Variants in ZNF112 observed in about 807,000 individuals in gnomAD.
ZNF112 encodes the protein zinc finger protein 112 (Y14).
A neutral mutation model predicts 77.7 loss-of-function variants in ZNF112; 37 were observed. That is an observed-to-expected ratio of 0.48 (90% CI 0.37 to 0.63). The LOEUF is 0.63. ZNF112 is among the 20% of genes least tolerant of loss of function. The probability of loss-of-function intolerance (pLI) is 0.00; values close to 1 mark genes in which losing one functional copy is unlikely to be tolerated. For missense variants in ZNF112, 950 were observed against 1,077.4 expected, an observed-to-expected ratio of 0.88 and a Z score of 1.66; for synonymous variants, 333 against 363.6, an observed-to-expected ratio of 0.92 and a Z score of 0.96.
intron 1 of ZNF112, among the ~76,000 whole-genome samples, chr19:44,364,336 T>G (rs915821623): frequency 3.3e-5 from 5 of 152,236 alleles, no homozygotes; most frequent in African/African-American, 9.6e-5. Flanking sequence ...TAACAATTTG[T>G]ATGTCTTCCT....
At chr19:44,355,146 A>G (rs1970763816) in intron 1 of ZNF112, among the ~76,000 whole-genome samples, 1 of 152,202 alleles carries the variant, frequency 6.6e-6, no homozygotes, top group African/African-American at 2.4e-5. Context: ...CTTCCACAGA[A>G]TTATTTTAGT....
At chr19:44,349,209 T>C (rs1970649960) in intron 1 of ZNF112, among the ~76,000 whole-genome samples, 1 of 152,224 alleles carries the variant, frequency 6.6e-6, no homozygotes, top group Admixed American at 6.5e-5. Flanking sequence ...CTTCATATTG[T>C]TGCTAAGCAC....
intron 1 of ZNF112, among the ~76,000 whole-genome samples, chr19:44,344,639 A>G (rs374523724): frequency 6.6e-6 from 1 of 152,186 alleles, no homozygotes; most frequent in East Asian, 1.9e-4. Context: ...CAGTGCCCAG[A>G]TAGATGCCAG....
intron 1 of ZNF112, chr19:44,343,334 A>C: frequency 6.5e-7 from 1 of 1,531,310 alleles, no homozygotes; most frequent in Non-Finnish European, 8.9e-7. Context: ...ATACGAAAGA[A>C]GCCATGATTA....
At chr19:44,348,207 C>T (rs1214641896) in intron 1 of ZNF112, among the ~76,000 whole-genome samples, 1 of 152,050 alleles carries the variant, frequency 6.6e-6, no homozygotes, top group African/African-American at 2.4e-5. Context: ...TGGTATTCAA[C>T]GAGTTTCTGG....
rs752629224 is a variant in ZNF112 at position 44,343,217 on chromosome 19, G to T, written c.-3-2675C>A. ...ATATGTCCACTCACTGCAAAATGAG[G>T]TCACATGTAAAACGGCATAAATGAA... On this transcript the variant is annotated intron_variant, in intron 1 of 3. Coordinates refer to ENST00000354340, the MANE Select transcript of ZNF112 (RefSeq NM_013380.4). 18 of 1,610,224 alleles carry T rather than the reference G, an allele frequency of 1.1e-5. No individual in the cohort carries two copies. The Admixed American group carries it at 2.5e-4, about 23-fold the overall frequency.
At chr19:44,332,709 T>C (rs1970292833) in intron 3 of ZNF112, among the ~76,000 whole-genome samples, 2 of 152,344 alleles carry the variant, frequency 1.3e-5, no homozygotes, top group Admixed American at 1.3e-4. Context: ...AAGCAACTGT[T>C]TCAATGCAAA....
upstream of ZNF112, among the ~76,000 whole-genome samples, chr19:44,359,354 C>T (rs1165208683): frequency 5.7e-5 from 6 of 104,760 alleles, no homozygotes; most frequent in Non-Finnish European, 1.0e-4. Context: ...TTGAGAGTCT[C>T]GCTCTGTTCC....
chr19:44,340,019 T>G (rs1211126255), intron 2 of ZNF112, among the ~76,000 whole-genome samples: 2 of 152,124 alleles, frequency 1.3e-5, no homozygotes, highest in Non-Finnish European at 2.9e-5. Context: ...TGAATCCAGG[T>G]AGAATCTTGG....
chr19:44,356,176 A>G (rs1970783091), intron 1 of ZNF112, among the ~76,000 whole-genome samples: 1 of 152,182 alleles, frequency 6.6e-6, no homozygotes, highest in Non-Finnish European at 1.5e-5. Flanking sequence ...AGAAAATTAA[A>G]AAGTGCTAAT....
chr19:44,356,919 C>A (rs1970797566), upstream of ZNF112, among the ~76,000 whole-genome samples: 1 of 152,212 alleles, frequency 6.6e-6, no homozygotes, highest in Non-Finnish European at 1.5e-5. Flanking sequence ...TTAACTCCCC[C>A]TTCCTGGAAC....
Position 44,336,711 on chromosome 19 carries a change from C to T in ZNF112, c.132G>A (p.Gln44=), listed in dbSNP as rs1220374162. Residue 44 remains glutamine, a synonymous_variant, in exon 3 of 4, where the codon CAG becomes CAA. Transcript: ENST00000354340. The part of the protein sequence containing the change: ...NFRNLLLVAH[Q]PFKPDLISQL... ...GGGATATTAGGTCTGGCTTGAAGGG[C>T]TGATGTGCTGTAAAGAAGGAAAGGA... is the stretch of plus-strand genomic sequence containing the variant. 4 of 1,613,852 alleles carry T rather than the reference C, an allele frequency of 2.5e-6. No homozygotes were observed. Among genetic ancestry groups the T allele is most frequent in the Middle Eastern group, 1.7e-4 (1 of 6,060 alleles).
chr19:44,337,840 TACACACACACAC>T (rs71171235), intron 2 of ZNF112, among the ~76,000 whole-genome samples: 5 of 47,424 alleles, frequency 1.1e-4, no homozygotes, highest in Non-Finnish European at 3.0e-4. Flanking sequence ...TACATACACA[TACACACACACAC>T]ACACACACAC....
In ZNF112 at chr19:44,337,424, A is replaced by T. The variant is rs1233268707; in HGVS notation, c.125-706T>A. Among the ~76,000 whole-genome samples the T allele has an allele frequency of 2.6e-5, 2 of 77,740 alleles. 1 individual carries two copies. Among genetic ancestry groups the T allele is most frequent in the Non-Finnish European group, 4.4e-5 (2 of 45,414 alleles). 51.0% of individuals were successfully genotyped at this position (77,740 alleles called of 152,430 possible). A position where few individuals can be genotyped will look rare whatever the true frequency, so the allele number is the denominator to read the frequency against. ...ATATATTTTATATATAATAATATAT[A>T]TTATATATATATGTCTGTACCCACA... On this transcript the variant is annotated intron_variant, in intron 2 of 3. Transcript: ENST00000354340.
intron 1 of ZNF112, among the ~76,000 whole-genome samples, chr19:44,362,029 TA>T (rs1160443504): frequency 1.3e-5 from 2 of 152,152 alleles, no homozygotes; most frequent in African/African-American, 4.8e-5. Context: ...TTTCAGAACT[TA>T]GAGGGAAGGG....
At chr19:44,355,861 T>C (rs1225543415) in intron 1 of ZNF112, among the ~76,000 whole-genome samples, 1 of 152,234 alleles carries the variant, frequency 6.6e-6, no homozygotes, top group Non-Finnish European at 1.5e-5. Context: ...GATGGAAATA[T>C]CGTCTTCCCT....
intron 3 of ZNF112, 91 bp from the exon 4 acceptor site, chr19:44,330,027 T>G: frequency 1.0e-6 from 1 of 984,368 alleles, no homozygotes; most frequent in Non-Finnish European, 1.5e-6. Context: ...ACATGAAACT[T>G]GAATGAACCA....
chr19:44,336,455 G>A (rs868099125), intron 3 of ZNF112, among the ~76,000 whole-genome samples, 168 bp downstream of exon 3: 1 of 152,198 alleles, frequency 6.6e-6, no homozygotes, highest in Non-Finnish European at 1.5e-5. Context: ...GTGAGAAGAG[G>A]TTGAGGGGAC....
chr19:44,338,646 A>G (rs572521752), intron 2 of ZNF112, among the ~76,000 whole-genome samples: 1 of 152,370 alleles, frequency 6.6e-6, no homozygotes, highest in South Asian at 2.1e-4. Context: ...TTCTTCAAAA[A>G]TGTTACTGTC....
Sources: gnomAD v4.1 joint callset for allele counts (sites outside exome capture counted in the v4.1 genomes callset) on GRCh38, gnomAD v4.1.1 for gene constraint, MANE v1.5 for transcripts, NCBI Gene and HGNC (gene_info 2026-07-23, HGNC 2026-07-21) for gene names.